Variants in PTPRN observed in about 807,000 individuals in gnomAD.
The protein encoded by PTPRN is protein tyrosine phosphatase receptor type N.
A neutral mutation model predicts 108.5 loss-of-function variants in PTPRN; 70 were observed. The observed-to-expected ratio is 0.65, with a 90% CI of 0.53 to 0.79. The LOEUF is 0.79. PTPRN is among the 30% of genes least tolerant of loss of function. PTPRN has a pLI of 0.00. For missense variants in PTPRN, 1,136 were observed against 1,295.5 expected, an observed-to-expected ratio of 0.88 and a Z score of 1.89; for synonymous variants, 496 against 524.6, an observed-to-expected ratio of 0.95 and a Z score of 0.75.
At position 219,309,273 on chromosome 2, in the gene PTPRN, G is replaced by C. The variant is rs770547718; in HGVS notation, c.60C>G (p.Leu20=). 1.3e-6 allele frequency: 2 copies of C among 1,533,864 alleles called. No homozygotes were observed. The highest frequency in any genetic ancestry group is 1.7e-6 in the Non-Finnish European group (2 of 1,144,566). ...LGGSGGLRLL[L]CLLLLSSRPG... ...GGCGGCTGCTCAGCAGCAGGAGGCA[G>C]AGGAGCAGCCGGAGACCCCCGGATC... The change falls in exon 1 of 23, where the codon CTC becomes CTG. Residue 20 remains leucine, a synonymous_variant. Transcript: ENST00000295718.
At position 219,297,929 on chromosome 2, in the gene PTPRN, G is replaced by C; in HGVS notation, c.1843C>G (p.Leu615Val). The C allele has an allele frequency of 6.2e-7, 1 of 1,612,892 alleles. No homozygotes were observed. The highest frequency in any genetic ancestry group is 2.2e-5 in the East Asian group (1 of 44,878). Residue 615 changes from leucine (L) to valine (V), a missense_variant, in exon 13 of 23, where the codon CTG (leucine) becomes GTG (valine). Transcript: ENST00000295718. The surrounding 1 kb of genome is among the most constrained non-coding windows in gnomAD (Gnocchi z 6.0). ...RQQDKERLAA[L>V]GPEGAHGDTT... is the part of the protein sequence containing the mutation. Reference sequence around the variant, plus strand: ...TCACCATGGGCCCCCTCAGGCCCCAGGGCTGCCAGGCGCTCCTTGTCTTGC... The same window carrying C: ...TCACCATGGGCCCCCTCAGGCCCCACGGCTGCCAGGCGCTCCTTGTCTTGC...
rs1952208019 is a variant in PTPRN, at chr2:219,296,782, A to G, written c.2277T>C (p.Pro759=). ...ARIKLKVESS[P]SRSDYINASP... is the part of the protein sequence containing the mutation. ...TGGCGTTGATGTAATCGCTCCGAGA[A>G]GGGCTGCTCTCCACCTTCAGTTTTA... The change falls in exon 16 of 23, where the codon CCT becomes CCC. Residue 759 remains proline, a synonymous_variant. Coordinates refer to ENST00000295718, the MANE Select transcript of PTPRN (RefSeq NM_002846.4). The surrounding 1 kb of genome is among the most constrained non-coding windows in gnomAD (Gnocchi z 6.0). 11 of 1,613,812 alleles carry G rather than the reference A, an allele frequency of 6.8e-6. No individual in the cohort carries two copies. The East Asian group carries it at 2.0e-4, about 29-fold the overall frequency.
chr2:219,290,833 C>T lies in PTPRN; in HGVS notation c.2787G>A (p.Met929Ile). 6.2e-7 allele frequency: 1 copy of T among 1,614,086 alleles called. No homozygotes were observed. The highest frequency in any genetic ancestry group is 8.5e-7 in the Non-Finnish European group (1 of 1,179,968). ...CGTGGGGAAGCTCCCTACCTTTTGC[C>T]ATGCGGTTCAGGACCATGTCGATGA... ...YILIDMVLNRMAKGVKEIDIA... is the reference protein window; with the variant it reads ...YILIDMVLNRIAKGVKEIDIA... Residue 929 changes from methionine (M) to isoleucine (I), a missense_variant, in exon 21 of 23, where the codon ATG becomes ATA. Transcript: ENST00000295718. The surrounding 1 kb of genome is among the most constrained non-coding windows in gnomAD (Gnocchi z 4.2).
rs1952243297 is a variant in PTPRN at position 219,297,972 on chromosome 2, C to T, written c.1800G>A (p.Val600=). 1.2e-6 allele frequency: 2 copies of T among 1,613,760 alleles called. No individual in the cohort carries two copies. The highest frequency in any genetic ancestry group is 1.7e-6 in the Non-Finnish European group (2 of 1,179,988). The change falls in exon 13 of 23, where the codon GTG becomes GTA. Residue 600 remains valine, a synonymous_variant. Transcript: ENST00000295718. This position sits in a 1 kb window ranked among gnomAD's most constrained non-coding sequence, Gnocchi z 6.0. The stretch of plus-strand genomic sequence containing the variant: ...TGTCTTGCTGCCGCGCATGCTGCCG[C>T]ACACACAGAGCCACAGCCAGAGCCA... ...LLVALAVALC[V]RQHARQQDKE...
chr2:219,299,832 C>T (rs879072986), intron 9 of PTPRN, 46 bp from the exon 10 acceptor site: 2 of 1,564,180 alleles, frequency 1.3e-6, no homozygotes, highest in African/African-American at 1.4e-5. Context: ...GCAACCCTCT[C>T]AGTCACTTTC....
chr2:219,298,188 C>A, intron 12 of PTPRN, 85 bp from the exon 13 acceptor site: 1 of 1,343,540 alleles, frequency 7.4e-7, no homozygotes, highest in East Asian at 2.3e-5. Flanking sequence ...ATGCCACACC[C>A]CCTGTTAGGA....
At position 219,299,681 on chromosome 2, in the gene PTPRN, A is replaced by G; in HGVS notation, c.1523+19T>C. On this transcript the variant is annotated intron_variant, in intron 10 of 22. Transcript: ENST00000295718. ...CTTTCTAGATCTCGGCCACTGCCCT[A>G]GCAAGATGCCAGCCCCACCTGATGT... 6.3e-7 allele frequency: 1 copy of G among 1,579,248 alleles called. No homozygotes were observed. The highest frequency in any genetic ancestry group is 1.1e-5 in the South Asian group (1 of 87,780).
chr2:219,303,086 C>CT (rs1173888982), intron 4 of PTPRN, among the ~76,000 whole-genome samples: 3 of 152,164 alleles, frequency 2.0e-5, no homozygotes, highest in Non-Finnish European at 4.4e-5. Flanking sequence ...ACTGCAAAGG[C>CT]TGGGTAATCA....
Position 219,299,849 on chromosome 2 carries a change from C to T in PTPRN, c.1437-63G>A. On this transcript the variant is annotated intron_variant, in intron 9 of 22. Coordinates refer to ENST00000295718, the MANE Select transcript of PTPRN (RefSeq NM_002846.4). ...AACCCTCTCAGTCACTTTCTTAAAA[C>T]AGGCCACTCCAGGGGTACAGAGCAG... 5 of 1,551,334 alleles carry T rather than the reference C, an allele frequency of 3.2e-6. 1 individual carries two copies. In the South Asian group the frequency reaches 3.6e-5, roughly 11 times the overall value.
chr2:219,290,948 G>GGAGGAGGC lies in PTPRN; in HGVS notation c.2730-66_2730-59dup. The GGAGGAGGC allele has an allele frequency of 6.4e-7, 1 of 1,563,216 alleles. No homozygotes were observed. The highest frequency in any genetic ancestry group is 1.1e-5 in the South Asian group (1 of 89,970). On this transcript the variant is annotated intron_variant, in intron 20 of 22. Coordinates refer to ENST00000295718, the MANE Select transcript of PTPRN (RefSeq NM_002846.4). This position sits in a 1 kb window ranked among gnomAD's most constrained non-coding sequence, Gnocchi z 4.2. Reference sequence around the variant, plus strand: ...AGATGCAGCAGAAAGGGGGAGGGACGGAGGAGGCGAGGAGGCCTGGAGGCC... The same window carrying GGAGGAGGC: ...AGATGCAGCAGAAAGGGGGAGGGACGGAGGAGGCGAGGAGGCGAGGAGGCCTGGAGGCC...
At chr2:219,293,165 CATTTATTTATTT>C (rs10571864) in intron 19 of PTPRN, among the ~76,000 whole-genome samples, 3 of 149,294 alleles carry the variant, frequency 2.0e-5, no homozygotes, top group Non-Finnish European at 4.4e-5. Context: ...GACCAAACTG[CATTTATTTATTT>C]ATTTATTTAT....
In PTPRN at chr2:219,290,779, T is replaced by C; in HGVS notation, c.2794+47A>G. The C allele has an allele frequency of 6.3e-7, 1 of 1,589,870 alleles. No homozygotes were observed. The highest frequency in any genetic ancestry group is 8.6e-7 in the Non-Finnish European group (1 of 1,158,210). On this transcript the variant is annotated intron_variant, in intron 21 of 22. Transcript: ENST00000295718. The surrounding 1 kb of genome is among the most constrained non-coding windows in gnomAD (Gnocchi z 4.2). ...CCAGGACCCTGTGTGCTGGGGAGCC[T>C]CTAAAAAGGGCCTGGGGGCTGCGGG...
In PTPRN at chr2:219,290,179, G is replaced by A; in HGVS notation, c.*47C>T. On this transcript the variant is annotated 3_prime_UTR_variant, in exon 23 of 23. Transcript: ENST00000295718. The surrounding 1 kb of genome is among the most constrained non-coding windows in gnomAD (Gnocchi z 4.2). ...TGGGTACACAGAGATGCTCACACAG[G>A]CAAAGAGGGACAGAGGCTGGGCTGC... is the stretch of plus-strand genomic sequence containing the variant. The A allele has an allele frequency of 1.3e-6, 2 of 1,533,644 alleles. No individual in the cohort carries two copies. The highest frequency in any genetic ancestry group is 9.0e-7 in the Non-Finnish European group (1 of 1,107,274).
At position 219,290,964 on chromosome 2, in the gene PTPRN, C is replaced by G; in HGVS notation, c.2730-74G>C. 6.9e-7 allele frequency: 1 copy of G among 1,452,222 alleles called. No homozygotes were observed. The highest frequency in any genetic ancestry group is 9.7e-7 in the Non-Finnish European group (1 of 1,033,914). The allele number at this position is 1,452,222 out of a possible 1,614,324, so 90.0% of individuals were successfully genotyped here. A position where few individuals can be genotyped will look rare whatever the true frequency, so the allele number is the denominator to read the frequency against. Reference sequence around the variant, plus strand: ...GGGAGGGACGGAGGAGGCGAGGAGGCCTGGAGGCCTGGGGGAGGGGAGGAC... The same window carrying G: ...GGGAGGGACGGAGGAGGCGAGGAGGGCTGGAGGCCTGGGGGAGGGGAGGAC... On this transcript the variant is annotated intron_variant, in intron 20 of 22. Coordinates refer to ENST00000295718, the MANE Select transcript of PTPRN (RefSeq NM_002846.4). The surrounding 1 kb of genome is among the most constrained non-coding windows in gnomAD (Gnocchi z 4.2).
chr2:219,301,004 G>A, intron 7 of PTPRN, 27 bp from the exon 8 acceptor site: 6 of 1,613,220 alleles, frequency 3.7e-6, no homozygotes, highest in Non-Finnish European at 3.4e-6. Context: ...ACAAGAGTCT[G>A]GAAAAATGGC....
intron 8 of PTPRN, 56 bp downstream of exon 8, chr2:219,300,887 C>T: frequency 3.2e-6 from 5 of 1,585,618 alleles, no homozygotes; most frequent in Non-Finnish European, 4.3e-6. Flanking sequence ...TTAGGTTTGG[C>T]AAGGGGGCGT....
Position 219,290,307 on chromosome 2 carries a change from G to T in PTPRN, c.2869-10C>A. The T allele has an allele frequency of 6.2e-7, 1 of 1,613,040 alleles. No homozygotes were observed. Among genetic ancestry groups the T allele is most frequent in the Non-Finnish European group, 8.5e-7 (1 of 1,179,280 alleles). ...CAAATTCAAACTGGTCCTGAGGAAG[G>T]GCAGTGGTAGGATGGTCATGGAGAG... On this transcript the variant is annotated splice_polypyrimidine_tract_variant and intron_variant, in intron 22 of 22. Transcript: ENST00000295718. The surrounding 1 kb of genome is among the most constrained non-coding windows in gnomAD (Gnocchi z 4.2).
chr2:219,296,840 C>G lies in PTPRN; in HGVS notation c.2237-18G>C, dbSNP rs1250014946. The G allele has an allele frequency of 5.6e-6, 9 of 1,614,076 alleles. No individual in the cohort carries two copies. Among genetic ancestry groups the G allele is most frequent in the South Asian group, 1.1e-5 (1 of 91,072 alleles). On this transcript the variant is annotated intron_variant, in intron 15 of 22. Transcript: ENST00000295718. The surrounding 1 kb of genome is among the most constrained non-coding windows in gnomAD (Gnocchi z 6.0). ...ATGGTCATCTGCACAGACCCGACAC[C>G]CCACCCCAGATGGCCCTCTGGTCAT...
intron 10 of PTPRN, 147 bp downstream of exon 10, chr2:219,299,553 T>G (rs1471056845): frequency 1.8e-6 from 2 of 1,133,026 alleles, no homozygotes; most frequent in African/African-American, 1.6e-5. Flanking sequence ...AGCAACGGGC[T>G]GGGTGTGGCT....
Sources: allele counts gnomAD v4.1 joint callset (sites outside exome capture counted in the v4.1 genomes callset), GRCh38; gene constraint gnomAD v4.1.1; non-coding constraint Gnocchi (gnomAD v3.1); transcripts MANE v1.5; gene names NCBI Gene and HGNC (gene_info 2026-07-23, HGNC 2026-07-21).